Variants in UBTD2 observed in about 807,000 individuals in gnomAD.
UBTD2 encodes ubiquitin domain containing 2.
A neutral mutation model predicts 19.8 loss-of-function variants in UBTD2; 9 were observed. The observed-to-expected ratio is 0.46, with a 90% confidence interval of 0.27 to 0.79. The LOEUF (loss-of-function observed/expected upper bound fraction) is 0.79, where lower values mean the gene tolerates loss of function less well. UBTD2 is among the 30% of genes least tolerant of loss of function. The pLI, the probability that UBTD2 is intolerant of heterozygous loss-of-function variation, is 0.14. For synonymous variants in UBTD2, 98 were observed against 103.9 expected, an observed-to-expected ratio of 0.94 and a Z score of 0.35; for missense variants, 250 against 300.4, an observed-to-expected ratio of 0.83 and a Z score of 1.24.
intron 1 of UBTD2, among the ~76,000 whole-genome samples, chr5:172,245,778 ATGGTGCATGTGC>A (rs1380553487): frequency 4.6e-5 from 7 of 152,206 alleles, no homozygotes; most frequent in Non-Finnish European, 8.8e-5. Context: ...AGTAACCTAA[ATGGTGCATGTGC>A]TGTGCACAAA....
At chr5:172,272,898 G>A (rs888502662) in intron 1 of UBTD2, among the ~76,000 whole-genome samples, 6 of 152,052 alleles carry the variant, frequency 3.9e-5, no homozygotes, top group Admixed American at 3.9e-4. Flanking sequence ...GACCAACATG[G>A]TGAAACCCCA....
intron 1 of UBTD2, among the ~76,000 whole-genome samples, chr5:172,274,745 A>G (rs1039986852): frequency 6.6e-6 from 1 of 152,170 alleles, no homozygotes. Context: ...ATGCTACTAT[A>G]AAGAACTGCC....
At chr5:172,245,272 T>C (rs1292042735) in intron 1 of UBTD2, among the ~76,000 whole-genome samples, 1 of 152,212 alleles carries the variant, frequency 6.6e-6, no homozygotes, top group Non-Finnish European at 1.5e-5. Flanking sequence ...CTTGTCTTTC[T>C]AGCCATAAGG....
chr5:172,235,510 G>C (rs1013965850), intron 1 of UBTD2, among the ~76,000 whole-genome samples: 5 of 152,138 alleles, frequency 3.3e-5, no homozygotes, highest in African/African-American at 1.2e-4. Flanking sequence ...GATAATCTTT[G>C]ATGCTAGGCC....
intron 1 of UBTD2, among the ~76,000 whole-genome samples, chr5:172,242,184 GTA>G (rs34515433): frequency 0.12 from 17,610 of 152,216 alleles, 1,193 homozygotes; most frequent in East Asian, 0.28. Flanking sequence ...CATGCTTCCT[GTA>G]CAGCCTGTAG....
intron 2 of UBTD2, among the ~76,000 whole-genome samples, chr5:172,229,089 C>A (rs1049558479): frequency 1.3e-5 from 2 of 152,072 alleles, no homozygotes; most frequent in Non-Finnish European, 2.9e-5. Flanking sequence ...GAAGAACTGG[C>A]AACATTTAGC....
intron 2 of UBTD2, among the ~76,000 whole-genome samples, chr5:172,225,905 C>T (rs1218499790): frequency 1.4e-5 from 2 of 145,884 alleles, no homozygotes; most frequent in Non-Finnish European, 3.0e-5. Flanking sequence ...CTCCTGACTT[C>T]TCTTTTCTGA....
chr5:172,216,442 T>C (rs1448350408), intron 2 of UBTD2, among the ~76,000 whole-genome samples: 1 of 149,154 alleles, frequency 6.7e-6, no homozygotes, highest in African/African-American at 2.5e-5. Flanking sequence ...AAATCAAAGA[T>C]TAAAAAAAAA....
intron 1 of UBTD2, among the ~76,000 whole-genome samples, chr5:172,259,523 T>C (rs961016352): frequency 6.6e-6 from 1 of 152,092 alleles, no homozygotes; most frequent in South Asian, 2.1e-4. Flanking sequence ...GAGAAGAGAC[T>C]ATATATTAAT....
chr5:172,219,782 G>C (rs1771616117), intron 2 of UBTD2, among the ~76,000 whole-genome samples: 2 of 152,178 alleles, frequency 1.3e-5, no homozygotes, highest in African/African-American at 4.8e-5. Flanking sequence ...AACCCCAATA[G>C]TTAAAACACA....
intron 1 of UBTD2, among the ~76,000 whole-genome samples, chr5:172,281,739 A>G (rs1321730378): frequency 6.6e-6 from 1 of 152,196 alleles, no homozygotes; most frequent in East Asian, 1.9e-4. Flanking sequence ...GTCCATAATC[A>G]AATTCCAGAA....
Position 172,211,887 on chromosome 5 carries a change from A to G in UBTD2, c.648T>C (p.Tyr216=). The stretch of plus-strand genomic sequence containing the variant: ...GTTGGCTCACTATAACCTGTACAAC[A>G]TAGTCCTTTGGGATCTTCAGCTCTT... The part of the protein sequence containing the change: ...KFEELKIPKD[Y]VVQVIVSQPV... Residue 216 remains tyrosine (Y), a synonymous_variant, in exon 3 of 3, where the codon TAT becomes TAC. Transcript: ENST00000393792. 6.2e-7 allele frequency: 1 copy of G among 1,614,210 alleles called. No individual in the cohort carries two copies. Among genetic ancestry groups the G allele is most frequent in the Non-Finnish European group, 8.5e-7 (1 of 1,180,030 alleles).
At chr5:172,235,820 G>C (rs528119925) in intron 1 of UBTD2, among the ~76,000 whole-genome samples, 37 of 151,756 alleles carry the variant, frequency 2.4e-4, no homozygotes, top group African/African-American at 8.8e-4. Context: ...ATAGAAGATA[G>C]AAAGAAAATT....
chr5:172,219,815 A>C (rs1402895995), intron 2 of UBTD2, among the ~76,000 whole-genome samples: 2 of 152,354 alleles, frequency 1.3e-5, no homozygotes, highest in Middle Eastern at 3.4e-3. Context: ...CGATTAGTTC[A>C]GTTGAAAAAG....
intron 1 of UBTD2, among the ~76,000 whole-genome samples, chr5:172,239,765 G>A (rs1180285429): frequency 1.3e-5 from 2 of 151,876 alleles, no homozygotes; most frequent in Admixed American, 6.6e-5. Flanking sequence ...TTAGCCAGGC[G>A]TGGTGGCAGG....
intron 2 of UBTD2, among the ~76,000 whole-genome samples, chr5:172,225,671 T>C (rs1771749344): frequency 6.6e-6 from 1 of 152,226 alleles, no homozygotes; most frequent in Admixed American, 6.5e-5. Context: ...TTATCTTGAC[T>C]GTGGGGAGTT....
At chr5:172,244,642 G>T (rs993812138) in intron 1 of UBTD2, among the ~76,000 whole-genome samples, 3 of 151,974 alleles carry the variant, frequency 2.0e-5, no homozygotes, top group African/African-American at 7.3e-5. Flanking sequence ...TTTGGTGCAG[G>T]TCAAGATGTT....
intron 2 of UBTD2, among the ~76,000 whole-genome samples, chr5:172,221,966 G>A (rs1771661105): frequency 6.6e-6 from 1 of 152,040 alleles, no homozygotes; most frequent in South Asian, 2.1e-4. Flanking sequence ...GGGTATATGG[G>A]AAATCCCTGT....
chr5:172,213,777 T>C (rs6892366), intron 2 of UBTD2, among the ~76,000 whole-genome samples: 5,087 of 152,106 alleles, frequency 0.033, 300 homozygotes, highest in African/African-American at 0.12. Context: ...CTTGAAAGCA[T>C]ACCTTTTTTT....
Sources: gnomAD v4.1 joint callset for allele counts (sites outside exome capture counted in the v4.1 genomes callset) on GRCh38, gnomAD v4.1.1 for gene constraint, MANE v1.5 for transcripts, NCBI Gene and HGNC (gene_info 2026-07-23, HGNC 2026-07-21) for gene names.